EXOC2: variants seen among roughly 807,000 people sequenced by gnomAD.
EXOC2 encodes SEC5-like 1.
EXOC2 carries 70 observed loss-of-function variants against 131.8 expected under a neutral mutation model. The observed-to-expected ratio is 0.53, with a 90% CI of 0.44 to 0.65. The LOEUF (loss-of-function observed/expected upper bound fraction) is 0.65. EXOC2 is among the 30% of genes least tolerant of loss of function. EXOC2 has a pLI of 0.00. For missense variants in EXOC2, 923 were observed against 1,108.6 expected (o/e 0.83, Z 2.38); for synonymous variants, 411 against 398.4 (o/e 1.03, Z -0.38).
At chr6:629,569 T>C (rs1201291606) in intron 4 of EXOC2, among the ~76,000 whole-genome samples, 5 of 152,212 alleles carry the variant, frequency 3.3e-5, no homozygotes, top group Non-Finnish European at 7.4e-5. Context: ...CTAGACAACA[T>C]ACTAAAGACT....
intron 1 of EXOC2, among the ~76,000 whole-genome samples, chr6:641,141 A>G (rs903857696): frequency 6.6e-6 from 1 of 152,156 alleles, no homozygotes; most frequent in East Asian, 1.9e-4. Flanking sequence ...AGACAGGTAA[A>G]CCAGGGAGTG....
At chr6:515,759 C>A in intron 23 of EXOC2, among the ~76,000 whole-genome samples, 1 of 150,656 alleles carries the variant, frequency 6.6e-6, no homozygotes, top group Middle Eastern at 3.4e-3. Flanking sequence ...TAGGAGGGAG[C>A]GAGAAGCCAG....
chr6:643,574 A>T (rs1581615658), intron 1 of EXOC2, among the ~76,000 whole-genome samples: 1 of 150,844 alleles, frequency 6.6e-6, no homozygotes, highest in Non-Finnish European at 1.5e-5. Context: ...TTAGAGAAAA[A>T]ATATTTAAAA....
intron 13 of EXOC2, among the ~76,000 whole-genome samples, chr6:568,458 T>C (rs1220875866): frequency 6.6e-6 from 1 of 152,242 alleles, no homozygotes; most frequent in Non-Finnish European, 1.5e-5. Flanking sequence ...AGCTGGGCAA[T>C]GCATCCTGCA....
intron 1 of EXOC2, chr6:656,122 T>C (rs1198883512): frequency 6.9e-6 from 11 of 1,604,256 alleles, no homozygotes; most frequent in Non-Finnish European, 9.4e-6. Context: ...AAGGCAGGAA[T>C]GAAATACTGA....
Position 560,951 on chromosome 6 carries a change from G to A in EXOC2, c.1851+1833C>T, listed in dbSNP as rs373006513. ...TCGAACTCCTGACCTCAGGTGATCC[G>A]CCCGCCTGAGCCTCTCAAAGTGCTG... On this transcript the variant is annotated intron_variant, in intron 17 of 27. Coordinates refer to ENST00000230449, the MANE Select transcript of EXOC2 (RefSeq NM_018303.6). Among the ~76,000 whole-genome samples, 61 of 151,862 alleles carry A rather than the reference G, an allele frequency of 4.0e-4. 1 individual carries two copies. The highest frequency in any genetic ancestry group is 4.9e-4 in the Non-Finnish European group (33 of 67,936).
rs73378912 is a variant in EXOC2, at chr6:488,327, G to A, written c.2681+652C>T. Among the ~76,000 whole-genome samples the A allele has an allele frequency of 8.1e-3, 1,240 of 152,330 alleles. 11 individuals carry two copies. Among genetic ancestry groups the A allele is most frequent in the Admixed American group, 0.019 (285 of 15,296 alleles). On this transcript the variant is annotated intron_variant, in intron 27 of 27. Coordinates refer to ENST00000230449, the MANE Select transcript of EXOC2 (RefSeq NM_018303.6). ...TGGGCCCGGCAGCCACGTGCAGGGC[G>A]GGTGGTGAAGGAATGAAGACTGCCT...
intron 1 of EXOC2, among the ~76,000 whole-genome samples, chr6:687,148 A>G (rs1422201686): frequency 6.7e-6 from 1 of 148,638 alleles, no homozygotes; most frequent in Non-Finnish European, 1.5e-5. Context: ...ACAAGATTGA[A>G]GAAGTCATTA....
intron 7 of EXOC2, among the ~76,000 whole-genome samples, chr6:602,473 ACACCCCG>A (rs1561911917): frequency 1.4e-5 from 2 of 143,240 alleles, no homozygotes; most frequent in Non-Finnish European, 3.1e-5. Context: ...CACACCAAGA[ACACCCCG>A]TGTGCAAATC....
chr6:558,869 T>TTA (rs1757560918), intron 17 of EXOC2, among the ~76,000 whole-genome samples: 1 of 152,090 alleles, frequency 6.6e-6, no homozygotes, highest in African/African-American at 2.4e-5. Flanking sequence ...GTGTGGTTGT[T>TTA]TAGATTTCTT....
intron 1 of EXOC2, among the ~76,000 whole-genome samples, chr6:682,859 T>C (rs1764475452): frequency 6.6e-6 from 1 of 152,178 alleles, no homozygotes; most frequent in East Asian, 1.9e-4. Flanking sequence ...CTCTGAGCAT[T>C]AGTTTAACAT....
At chr6:623,603 A>G (rs1761403880) in intron 4 of EXOC2, among the ~76,000 whole-genome samples, 1 of 152,220 alleles carries the variant, frequency 6.6e-6, no homozygotes, top group African/African-American at 2.4e-5. Flanking sequence ...GCCTGTTTCT[A>G]GTGGACACTG....
intron 6 of EXOC2, among the ~76,000 whole-genome samples, chr6:611,630 C>T (rs1207681126): frequency 6.6e-6 from 1 of 152,186 alleles, no homozygotes; most frequent in Non-Finnish European, 1.5e-5. Context: ...CTGAGAGACA[C>T]TGGGATCTGA....
intron 13 of EXOC2, among the ~76,000 whole-genome samples, chr6:572,148 G>T (rs140036487): frequency 1.3e-5 from 2 of 152,170 alleles, no homozygotes; most frequent in African/African-American, 2.4e-5. Context: ...TGCTATCCTT[G>T]TTTCCTCATT....
At chr6:654,228 G>A (rs1317585691) in intron 1 of EXOC2, among the ~76,000 whole-genome samples, 1 of 152,142 alleles carries the variant, frequency 6.6e-6, no homozygotes, top group Non-Finnish European at 1.5e-5. Context: ...CATCTTGCAA[G>A]TCTTATTATT....
chr6:516,326 C>A (rs1446809909), intron 23 of EXOC2, among the ~76,000 whole-genome samples: 1 of 152,158 alleles, frequency 6.6e-6, no homozygotes, highest in African/African-American at 2.4e-5. Flanking sequence ...AGCTGCTAGG[C>A]CACGCGTACA....
intron 25 of EXOC2, among the ~76,000 whole-genome samples, chr6:493,678 G>C (rs551936988): frequency 4.6e-5 from 7 of 152,288 alleles, no homozygotes; most frequent in African/African-American, 1.7e-4. Context: ...AGGTTAACCT[G>C]CTATCCCTCT....
intron 24 of EXOC2, among the ~76,000 whole-genome samples, chr6:499,133 T>G (rs920253212): frequency 1.3e-5 from 2 of 152,170 alleles, no homozygotes; most frequent in African/African-American, 4.8e-5. Flanking sequence ...ACTGTCTGCA[T>G]GACCCTAAGT....
intron 11 of EXOC2, among the ~76,000 whole-genome samples, chr6:591,869 C>G (rs1457408791): frequency 1.3e-5 from 2 of 152,196 alleles, no homozygotes; most frequent in Non-Finnish European, 2.9e-5. Context: ...GGCCTCCACA[C>G]AGGTGGTCCC....
Sources: gnomAD v4.1 joint callset for allele counts (sites outside exome capture counted in the v4.1 genomes callset) on GRCh38, gnomAD v4.1.1 for gene constraint, MANE v1.5 for transcripts, NCBI Gene and HGNC (gene_info 2026-07-23, HGNC 2026-07-21) for gene names.